Variants in MARCHF5 observed in about 807,000 individuals in gnomAD.
MARCHF5 encodes membrane associated ring-CH-type finger 5.
A neutral mutation model predicts 36.5 loss-of-function variants in MARCHF5; 5 were observed. That is an observed-to-expected ratio of 0.14 (90% CI 0.07 to 0.29). The LOEUF is 0.29. MARCHF5 is among the 10% of genes least tolerant of loss of function. The pLI is 1.00. For synonymous variants in MARCHF5, 103 were observed against 109.9 expected, an observed-to-expected ratio of 0.94 and a Z score of 0.39; for missense variants, 179 against 336.3, an observed-to-expected ratio of 0.53 and a Z score of 3.66.
At chr10:92,342,740 T>A (rs1843594445) in intron 3 of MARCHF5, among the ~76,000 whole-genome samples, 1 of 152,222 alleles carries the variant, frequency 6.6e-6, no homozygotes, top group South Asian at 2.1e-4. Context: ...AGCATCTAGA[T>A]TGGTTAAGTG....
intron 2 of MARCHF5, among the ~76,000 whole-genome samples, chr10:92,338,401 T>C (rs1191956280): frequency 6.6e-6 from 1 of 152,220 alleles, no homozygotes; most frequent in Non-Finnish European, 1.5e-5. Context: ...TAATGATGCA[T>C]GTAATAATGC....
At chr10:92,319,364 C>T (rs890615031) in intron 2 of MARCHF5, among the ~76,000 whole-genome samples, 1 of 148,982 alleles carries the variant, frequency 6.7e-6, no homozygotes, top group African/African-American at 2.5e-5. Flanking sequence ...GGCGCGATCT[C>T]GACTCACTGC....
intron 1 of MARCHF5, among the ~76,000 whole-genome samples, chr10:92,294,484 G>A (rs1470075559): frequency 6.6e-6 from 1 of 152,100 alleles, no homozygotes. Flanking sequence ...ACTGCAAGTT[G>A]AACACAAAGA....
intron 3 of MARCHF5, among the ~76,000 whole-genome samples, chr10:92,345,265 C>T (rs1181479067): frequency 1.3e-5 from 2 of 152,056 alleles, no homozygotes; most frequent in South Asian, 2.1e-4. Context: ...AATCCCAGCA[C>T]GTTGGGAAGC....
chr10:92,311,607 T>C (rs573145225), intron 2 of MARCHF5, among the ~76,000 whole-genome samples: 2 of 152,234 alleles, frequency 1.3e-5, no homozygotes, highest in African/African-American at 2.4e-5. Context: ...GTGGATATAA[T>C]TGAATAACAA....
At chr10:92,292,731 T>TTATA (rs530552297) in intron 1 of MARCHF5, among the ~76,000 whole-genome samples, 1 of 152,116 alleles carries the variant, frequency 6.6e-6, no homozygotes, top group Non-Finnish European at 1.5e-5. Context: ...ATTGACTGCT[T>TTATA]TATATATATA....
At chr10:92,335,053 A>G (rs1843487342) in intron 2 of MARCHF5, among the ~76,000 whole-genome samples, 1 of 152,214 alleles carries the variant, frequency 6.6e-6, no homozygotes, top group Non-Finnish European at 1.5e-5. Context: ...AGGCCCACTA[A>G]GGCATTAAAA....
Position 92,351,184 on chromosome 10 carries a change from T to C in MARCHF5, c.814T>C (p.Tyr272His). ...LRQAHRKILN[Y>H]PEQEEA ...ACAGGCACACCGCAAAATTCTGAAT[T>C]ATCCAGAACAAGAAGAAGCATAAAA... Residue 272 changes from tyrosine to histidine, a missense_variant, in exon 6 of 6, where the codon TAT becomes CAT. This residue lies in a region of MARCHF5 where 95 missense variants were observed against 139.5 expected (regional missense o/e 0.68). Transcript: ENST00000358935. 6.2e-7 allele frequency: 1 copy of C among 1,611,470 alleles called. No homozygotes were observed.
Position 92,291,507 on chromosome 10 carries a change from G to A in MARCHF5, c.13G>A (p.Ala5Thr), listed in dbSNP as rs559816689. 2 of 1,548,122 alleles carry A rather than the reference G, an allele frequency of 1.3e-6. No individual in the cohort carries two copies. The highest frequency in any genetic ancestry group is 2.4e-5 in the South Asian group (2 of 84,026). Residue 5 changes from alanine to threonine, a missense_variant, in exon 1 of 6, where the codon GCC becomes ACC. Physicochemically the swap from Ala to Thr is moderately conservative, Grantham distance 58 (BLOSUM62 0). This residue lies in a region of MARCHF5 where 18 missense variants were observed against 16.3 expected (regional missense o/e 1.11). Transcript: ENST00000358935. MPDQ[A>T]LQQMLDRSCW... is the part of the protein sequence containing the mutation. Reference sequence around the variant, plus strand: ...GGCTCCGCGGAAGATGCCGGACCAAGCCCTACAGCAGATGCTGGACAGGTA... The same window carrying A: ...GGCTCCGCGGAAGATGCCGGACCAAACCCTACAGCAGATGCTGGACAGGTA...
chr10:92,347,877 C>CA (rs930976370), intron 3 of MARCHF5, among the ~76,000 whole-genome samples: 69 of 152,226 alleles, frequency 4.5e-4, no homozygotes, highest in Middle Eastern at 3.4e-3. Flanking sequence ...GTCCTCTCCA[C>CA]ACACTTTCAT....
At chr10:92,312,517 T>C (rs923552153) in intron 2 of MARCHF5, among the ~76,000 whole-genome samples, 3 of 152,234 alleles carry the variant, frequency 2.0e-5, no homozygotes, top group African/African-American at 7.2e-5. Context: ...ATCAAAGAAG[T>C]ATTTTTAAAT....
chr10:92,346,960 A>T (rs1843651601), intron 3 of MARCHF5, among the ~76,000 whole-genome samples: 1 of 152,152 alleles, frequency 6.6e-6, no homozygotes, highest in African/African-American at 2.4e-5. Flanking sequence ...AAATATTCTG[A>T]ATTTATTTGC....
intron 1 of MARCHF5, among the ~76,000 whole-genome samples, chr10:92,306,881 G>A (rs1215094022): frequency 6.6e-6 from 1 of 152,198 alleles, no homozygotes; most frequent in East Asian, 1.9e-4. Context: ...AGGCGTGGTG[G>A]TGGATGCCTG....
Position 92,314,755 on chromosome 10 carries a change from C to A in MARCHF5, c.238+3418C>A, listed in dbSNP as rs796528339. ...CTGCTGCTGCTTCCCCCCGCCCCCC[C>A]CCGCCAATAGAGGTTGGGTCTTGCT... On this transcript the variant is annotated intron_variant, in intron 2 of 5. Transcript: ENST00000358935. 2.4e-3 allele frequency among the ~76,000 whole-genome samples: 318 copies of A among 135,168 alleles called. 23 individuals are homozygous for A. The highest frequency in any genetic ancestry group is 0.012 in the South Asian group (52 of 4,190). 88.7% of individuals were successfully genotyped at this position (135,168 alleles called of 152,430 possible). A position where few individuals can be genotyped will look rare whatever the true frequency, so the allele number is the denominator to read the frequency against.
intron 2 of MARCHF5, among the ~76,000 whole-genome samples, chr10:92,314,397 A>G (rs1843182491): frequency 6.6e-6 from 1 of 152,190 alleles, no homozygotes; most frequent in South Asian, 2.1e-4. Flanking sequence ...TAATCCCAAC[A>G]CTGGGAGGCC....
rs34226671 is a variant in MARCHF5, at chr10:92,332,515, C to CTTT, written c.239-8138_239-8136dup. 4.2e-3 allele frequency among the ~76,000 whole-genome samples: 402 copies of CTTT among 95,792 alleles called. 2 individuals are homozygous for CTTT. Among genetic ancestry groups the CTTT allele is most frequent in the African/African-American group, 5.5e-3 (133 of 24,152 alleles). The allele number at this position is 95,792 out of a possible 152,430, so 62.8% of individuals were successfully genotyped here. A position where few individuals can be genotyped will look rare whatever the true frequency, so the allele number is the denominator to read the frequency against. On this transcript the variant is annotated intron_variant, in intron 2 of 5. Coordinates refer to ENST00000358935, the MANE Select transcript of MARCHF5 (RefSeq NM_017824.5). ...TACTATCGCATTAGGATTCCCCATC[C>CTTT]TTTTTTTTTTTTTTTTTTTTTTGAG...
At chr10:92,318,166 C>A (rs1378965070) in intron 2 of MARCHF5, among the ~76,000 whole-genome samples, 1 of 152,088 alleles carries the variant, frequency 6.6e-6, no homozygotes, top group Non-Finnish European at 1.5e-5. Context: ...GTGGCTCATA[C>A]CTGTAATCCC....
In MARCHF5 at chr10:92,351,205, T is replaced by C. The variant is rs1346674324; in HGVS notation, c.835T>C (p.Ter279GlnextTer2). 1 of 1,577,706 alleles carries C rather than the reference T, an allele frequency of 6.3e-7. No homozygotes were observed. The highest frequency in any genetic ancestry group is 1.1e-5 in the South Asian group (1 of 89,012). Residue 279 changes from the stop codon to glutamine (Q), a stop_lost, in exon 6 of 6, where the codon TAA becomes CAA. Transcript: ENST00000358935. ...GAATTATCCAGAACAAGAAGAAGCA[T>C]AAAACTGACTTCTGGTTGTTCTGCA... is the stretch of plus-strand genomic sequence containing the variant. ...ILNYPEQEEA* is the reference protein window; with the variant it reads ...ILNYPEQEEAQ
intron 2 of MARCHF5, among the ~76,000 whole-genome samples, chr10:92,336,881 G>A (rs1590664298): frequency 1.3e-5 from 2 of 152,252 alleles, no homozygotes; most frequent in South Asian, 4.1e-4. Flanking sequence ...CCAGCACTTT[G>A]GAAGGCCAAG....
Sources: allele counts gnomAD v4.1 joint callset (sites outside exome capture counted in the v4.1 genomes callset), GRCh38; gene constraint gnomAD v4.1.1; regional missense constraint gnomAD v4.1.1; transcripts MANE v1.5; gene names NCBI Gene and HGNC (gene_info 2026-07-23, HGNC 2026-07-21).